The following ACO2 variants were observed in gnomAD, a reference collection of about 807,000 sequenced individuals.
ACO2 encodes aconitate hydratase, mitochondrial.
ACO2 carries 31 observed loss-of-function variants against 84.5 expected under a neutral mutation model. The ratio of observed to expected loss-of-function variants is 0.37; its 90% confidence interval spans 0.28 to 0.50. The LOEUF (loss-of-function observed/expected upper bound fraction) is 0.50. Ranked by LOEUF, ACO2 falls within the 20% of genes least tolerant of loss-of-function variation. ACO2 has a pLI of 0.97. For synonymous variants in ACO2, 414 were observed against 412.7 expected (o/e 1.00, Z -0.04); for missense variants, 685 against 1,029.3 (o/e 0.67, Z 4.58).
intron 1 of ACO2, among the ~76,000 whole-genome samples, chr22:41,470,434 T>C (rs1414784773): frequency 6.6e-6 from 1 of 152,128 alleles, no homozygotes; most frequent in East Asian, 1.9e-4. Context: ...AACCATATGG[T>C]TTAAAGTAAA....
intron 2 of ACO2, among the ~76,000 whole-genome samples, chr22:41,506,338 C>T (rs1241180536): frequency 3.3e-5 from 5 of 151,890 alleles, no homozygotes; most frequent in African/African-American, 4.8e-5. Flanking sequence ...CTGCAAGCTC[C>T]GCCTCCCGGG....
At chr22:41,496,357 T>C (rs537701292) in intron 1 of ACO2, among the ~76,000 whole-genome samples, 145 of 152,238 alleles carry the variant, frequency 9.5e-4, no homozygotes, top group African/African-American at 3.3e-3. Flanking sequence ...ACAACTTGTA[T>C]GGTTTCTCAT....
chr22:41,478,851 A>C (rs1022029527), intron 1 of ACO2, among the ~76,000 whole-genome samples: 6 of 150,886 alleles, frequency 4.0e-5, no homozygotes, highest in African/African-American at 1.5e-4. Context: ...GCTCACTGCA[A>C]CCTTTGCCTC....
chr22:41,481,365 A>T (rs1238686112), intron 1 of ACO2, among the ~76,000 whole-genome samples: 2 of 152,020 alleles, frequency 1.3e-5, no homozygotes, highest in Non-Finnish European at 2.9e-5. Flanking sequence ...CCTCTCCCGG[A>T]CCCTGGCCTG....
At chr22:41,492,782 T>G (rs1170066756) in intron 1 of ACO2, among the ~76,000 whole-genome samples, 1 of 150,306 alleles carries the variant, frequency 6.7e-6, no homozygotes, top group Non-Finnish European at 1.5e-5. Context: ...TCAAAAAAAA[T>G]AAAAAAAGAA....
chr22:41,517,488 C>A, intron 6 of ACO2, 39 bp from the exon 7 acceptor site: 1 of 1,584,152 alleles, frequency 6.3e-7, no homozygotes, highest in Non-Finnish European at 8.7e-7. Flanking sequence ...GACCCTGGCC[C>A]GGCCACCAGC....
At chr22:41,527,607 C>A in intron 16 of ACO2, 187 bp downstream of exon 16, 1 of 893,442 alleles carries the variant, frequency 1.1e-6, no homozygotes. Context: ...CGGCTTCCCG[C>A]AGGCCCTGCT....
chr22:41,520,315 G>A (rs2146131090), intron 9 of ACO2, 39 bp downstream of exon 9: 1 of 1,528,722 alleles, frequency 6.5e-7, no homozygotes, highest in Non-Finnish European at 9.0e-7. Context: ...CAGGTCTCAG[G>A]GCCAGTGGCT....
chr22:41,528,351 G>A, intron 17 of ACO2, 128 bp from the exon 18 acceptor site: 3 of 1,348,282 alleles, frequency 2.2e-6, no homozygotes, highest in East Asian at 4.9e-5. Context: ...GGCACAGACT[G>A]GCCTAGGATT....
intron 9 of ACO2, 68 bp downstream of exon 9, chr22:41,520,344 A>C: frequency 6.3e-6 from 8 of 1,273,602 alleles, no homozygotes; most frequent in Non-Finnish European, 9.0e-6. Flanking sequence ...GGCTGTAGAC[A>C]ATCACCTATG....
chr22:41,491,321 G>C (rs2284080), intron 1 of ACO2, among the ~76,000 whole-genome samples: 12,615 of 152,184 alleles, frequency 0.083, 1,439 homozygotes, highest in East Asian at 0.48. Flanking sequence ...ATGAGCAGAA[G>C]GGGTTTGAGA....
At chr22:41,526,097 G>A (rs2066588538) in intron 14 of ACO2, 165 bp from the exon 15 acceptor site, 3 of 611,850 alleles carry the variant, frequency 4.9e-6, no homozygotes, top group Admixed American at 5.9e-5. Context: ...TGGCCTTAGG[G>A]TGGAAGCACC....
At chr22:41,484,832 G>A (rs574753275) in intron 1 of ACO2, among the ~76,000 whole-genome samples, 216 of 149,414 alleles carry the variant, frequency 1.4e-3, no homozygotes, top group African/African-American at 5.0e-3. Flanking sequence ...TGCTTGTCAT[G>A]TAGGTAGTAA....
chr22:41,510,993 A>T (rs2066429391), intron 3 of ACO2, among the ~76,000 whole-genome samples: 2 of 152,098 alleles, frequency 1.3e-5, no homozygotes, highest in Admixed American at 1.3e-4. Context: ...AGTTATTTCA[A>T]AAAAAGCCTC....
intron 1 of ACO2, among the ~76,000 whole-genome samples, chr22:41,497,032 A>G (rs2066319013): frequency 6.6e-6 from 1 of 151,576 alleles, no homozygotes; most frequent in Non-Finnish European, 1.5e-5. Context: ...CCAACCACCT[A>G]GAAGGGAAGC....
intron 16 of ACO2, 180 bp from the exon 17 acceptor site, chr22:41,527,721 C>G: frequency 1.0e-6 from 1 of 1,002,538 alleles, no homozygotes; most frequent in Non-Finnish European, 1.4e-6. Flanking sequence ...TCAGCACCAG[C>G]GCACACTTGC....
At chr22:41,499,601 G>T (rs2066339113) in intron 1 of ACO2, 125 bp from the exon 2 acceptor site, 18 of 1,030,516 alleles carry the variant, frequency 1.7e-5, no homozygotes, top group Non-Finnish European at 2.4e-5. Flanking sequence ...GGAAGCTGAG[G>T]CTGCAGTTAC....
chr22:41,499,177 C>T (rs1368200765), intron 1 of ACO2, among the ~76,000 whole-genome samples: 1 of 152,056 alleles, frequency 6.6e-6, no homozygotes, highest in Non-Finnish European at 1.5e-5. Flanking sequence ...GGGTTTTCCT[C>T]ATTCATTCTT....
rs374086380 is a variant in ACO2, at chr22:41,515,448, C to T, written c.597C>T (p.Gly199=). ...IGTDSHTPNG[G]GLGGICIGVG... ...CTGACTCCCACACCCCCAATGGTGGCGGCCTTGGGGGCATCTGCATTGGAG... is the reference window on the plus strand; with the variant it reads ...CTGACTCCCACACCCCCAATGGTGGTGGCCTTGGGGGCATCTGCATTGGAG... The change falls in exon 5 of 18, where the codon GGC becomes GGT. Residue 199 remains glycine, a synonymous_variant. Transcript: ENST00000216254. The surrounding 1 kb of genome is among the most constrained non-coding windows in gnomAD (Gnocchi z 5.8). 134 of 1,613,778 alleles carry T rather than the reference C, an allele frequency of 8.3e-5. No individual in the cohort carries two copies. The highest frequency in any genetic ancestry group is 1.1e-4 in the Non-Finnish European group (128 of 1,179,982).
Sources: allele counts gnomAD v4.1 joint callset (sites outside exome capture counted in the v4.1 genomes callset), GRCh38; gene constraint gnomAD v4.1.1; non-coding constraint Gnocchi (gnomAD v3.1); transcripts MANE v1.5; gene names NCBI Gene and HGNC (gene_info 2026-07-23, HGNC 2026-07-21).